Variants in SHROOM4 observed in about 807,000 individuals in gnomAD.
SHROOM4 encodes the protein shroom family member 4.
Under a neutral mutation model 80.3 loss-of-function variants are expected in SHROOM4, and 17 were observed. The ratio of observed to expected loss-of-function variants is 0.21; its 90% CI spans 0.14 to 0.32. SHROOM4 has a LOEUF of 0.32. SHROOM4 is among the 10% of genes least tolerant of loss of function. The probability of loss-of-function intolerance (pLI) is 1.00; values close to 1 mark genes in which losing one functional copy is unlikely to be tolerated. For missense variants in SHROOM4, 993 were observed against 1,140.3 expected (o/e 0.87, Z 1.86); for synonymous variants, 400 against 437.5 (o/e 0.91, Z 1.07).
rs200784202 is a variant in SHROOM4 at position 50,795,158 on chromosome X, T to TC, written c.117+18743_117+18744insG. Among the ~76,000 whole-genome samples, 5 of 29,928 alleles carry TC rather than the reference T, an allele frequency of 1.7e-4. 1 individual carries two copies. The highest frequency in any genetic ancestry group is 4.4e-4 in the African/African-American group (5 of 11,289). The allele number at this position is 29,928 out of a possible 115,157, so 26.0% of individuals were successfully genotyped here. A position where few individuals can be genotyped will look rare whatever the true frequency, so the allele number is the denominator to read the frequency against. On this transcript the variant is annotated intron_variant, in intron 1 of 8. Coordinates refer to ENST00000376020, the MANE Select transcript of SHROOM4 (RefSeq NM_020717.5). ...TATATATATATATGATATATATATA[T>TC]ATATATATGATATATATATATATAA...
Position 50,602,746 on chromosome X carries a change from A to G in SHROOM4, c.3829T>C (p.Tyr1277His). ...PGIPTSYSAY[Y>H]NISVAKAELL... Reference sequence around the variant, plus strand: ...TCTGCCTTGGCCACAGAAATATTGTAATAAGCTGAGTAAGAGGTAGGGATT... The same window carrying G: ...TCTGCCTTGGCCACAGAAATATTGTGATAAGCTGAGTAAGAGGTAGGGATT... The change falls in exon 7 of 9, where the codon TAC becomes CAC. Residue 1277 changes from tyrosine to histidine, a missense_variant. Tyr to His is a moderately conservative substitution (Grantham distance 83). Coordinates refer to ENST00000376020, the MANE Select transcript of SHROOM4 (RefSeq NM_020717.5). 8.3e-7 allele frequency: 1 copy of G among 1,211,321 alleles called. No homozygotes were observed. The highest frequency in any genetic ancestry group is 1.8e-5 in the South Asian group (1 of 56,974).
intron 1 of SHROOM4, among the ~76,000 whole-genome samples, chrX:50,738,542 AAC>A (rs1215018083): frequency 9.0e-6 from 1 of 111,249 alleles, no homozygotes; most frequent in Non-Finnish European, 1.9e-5. Context: ...ATAACAGACA[AAC>A]AGAGAGCCAA....
At chrX:50,780,348 T>C (rs1258618754) in intron 1 of SHROOM4, among the ~76,000 whole-genome samples, 1 of 111,258 alleles carries the variant, frequency 9.0e-6, no homozygotes, top group African/African-American at 3.3e-5. Flanking sequence ...AAGATACAAT[T>C]GGAAAATTCA....
intron 6 of SHROOM4, 30 bp downstream of exon 6, chrX:50,607,351 A>G (rs782002534): frequency 8.3e-7 from 1 of 1,206,231 alleles, no homozygotes; most frequent in South Asian, 1.8e-5. Flanking sequence ...CTGCCTCTTC[A>G]GAGACCTAGT....
chrX:50,652,455 T>C (rs1485999531), intron 2 of SHROOM4, among the ~76,000 whole-genome samples: 3 of 112,138 alleles, frequency 2.7e-5, no homozygotes. Flanking sequence ...AAGTTCCTTG[T>C]AGATTCTGGA....
chrX:50,612,465 A>T (rs1930042722), intron 5 of SHROOM4, among the ~76,000 whole-genome samples: 1 of 111,823 alleles, frequency 8.9e-6, no homozygotes, highest in Admixed American at 9.5e-5. Flanking sequence ...AGGAAAAAAA[A>T]TCAAACCAAT....
At chrX:50,812,317 T>TAAAAA (rs34184946) in intron 1 of SHROOM4, among the ~76,000 whole-genome samples, 2 of 66,791 alleles carry the variant, frequency 3.0e-5, no homozygotes, top group Non-Finnish European at 2.7e-5. Context: ...GTGTTTTTGT[T>TAAAAA]AAAAAAAAAA....
At chrX:50,576,779 C>T in the SHROOM4 span, among the ~76,000 whole-genome samples, 2 of 111,613 alleles carry the variant, frequency 1.8e-5, no homozygotes, top group African/African-American at 3.3e-5. Flanking sequence ...GTAGGCATTA[C>T]ATTATACATA....
chrX:50,688,748 C>G (rs1408897398), intron 2 of SHROOM4, among the ~76,000 whole-genome samples: 1 of 110,331 alleles, frequency 9.1e-6, no homozygotes, highest in African/African-American at 3.3e-5. Context: ...TTCATTGTTG[C>G]GTTCTCAGCA....
In SHROOM4 at chrX:50,633,127, C is replaced by T. The variant is rs372378306; in HGVS notation, c.2895+51G>A. ...TTTTTAAATAATTTACGTAGCTTTC[C>T]CCTCTCAAAGACAATAATGAAGGTT... On this transcript the variant is annotated intron_variant, in intron 4 of 8. Transcript: ENST00000376020. 78 of 1,057,511 alleles carry T rather than the reference C, an allele frequency of 7.4e-5. No individual in the cohort carries two copies. The African/African-American group carries it at 1.3e-3, about 17-fold the overall frequency. The allele number at this position is 1,057,511 out of a possible 1,213,427, so 87.2% of individuals were successfully genotyped here. A position where few individuals can be genotyped will look rare whatever the true frequency, so the allele number is the denominator to read the frequency against.
intron 2 of SHROOM4, among the ~76,000 whole-genome samples, chrX:50,651,758 G>T (rs782393071): frequency 1.9e-5 from 2 of 102,595 alleles, no homozygotes; most frequent in East Asian, 6.1e-4. Flanking sequence ...ACATGCCCCA[G>T]TGTGTGACAT....
chrX:50,617,227 T>A (rs959143579), intron 5 of SHROOM4, among the ~76,000 whole-genome samples: 14 of 112,420 alleles, frequency 1.2e-4, no homozygotes, highest in African/African-American at 3.6e-4. Flanking sequence ...ATACCTATCT[T>A]ACAAATAAGC....
chrX:50,603,113 G>A (rs1344965871), intron 6 of SHROOM4, among the ~76,000 whole-genome samples: 1 of 111,243 alleles, frequency 9.0e-6, no homozygotes, highest in African/African-American at 3.3e-5. Flanking sequence ...AACCTGGCAG[G>A]CCTTCTGATC....
chrX:50,793,864 C>G (rs1935904410), intron 1 of SHROOM4, among the ~76,000 whole-genome samples: 1 of 108,705 alleles, frequency 9.2e-6, no homozygotes, highest in Non-Finnish European at 1.9e-5. Context: ...CTTTTTAATT[C>G]ATTTAAGAAG....
intron 1 of SHROOM4, among the ~76,000 whole-genome samples, chrX:50,750,470 C>T (rs1361913196): frequency 1.8e-5 from 2 of 111,830 alleles, no homozygotes; most frequent in Non-Finnish European, 3.8e-5. Flanking sequence ...CCATGTTGGC[C>T]GGGCTGCTCT....
At chrX:50,680,414 A>C (rs782636088) in intron 2 of SHROOM4, among the ~76,000 whole-genome samples, 59 of 111,909 alleles carry the variant, frequency 5.3e-4, no homozygotes, top group Non-Finnish European at 9.6e-4. Flanking sequence ...TAGAGTTGTA[A>C]GAACAGTACA....
At chrX:50,794,546 T>C (rs2147709128) in intron 1 of SHROOM4, among the ~76,000 whole-genome samples, 1 of 109,464 alleles carries the variant, frequency 9.1e-6, no homozygotes, top group South Asian at 4.0e-4. Flanking sequence ...GAGACTTTCT[T>C]AGCACAGAAG....
At position 50,715,157 on chromosome X, in the gene SHROOM4, C is replaced by T. The variant is rs138814114; in HGVS notation, c.118-19220G>A. 2.5e-3 allele frequency among the ~76,000 whole-genome samples: 273 copies of T among 111,035 alleles called. 1 individual carries two copies. The highest frequency in any genetic ancestry group is 7.9e-3 in the African/African-American group (241 of 30,588). On this transcript the variant is annotated intron_variant, in intron 1 of 8. Transcript: ENST00000376020. Reference sequence around the variant, plus strand: ...TTCATATCCCTCTTATTGCTTGATACGCTCCTGACATTCTGCCTACCCCTT... The same window carrying T: ...TTCATATCCCTCTTATTGCTTGATATGCTCCTGACATTCTGCCTACCCCTT...
At chrX:50,697,839 CAGA>C (rs1557263202) in intron 1 of SHROOM4, among the ~76,000 whole-genome samples, 2 of 111,972 alleles carry the variant, frequency 1.8e-5, no homozygotes. Flanking sequence ...ACTTGAATTT[CAGA>C]AGTTCTATTT....
Sources: allele counts gnomAD v4.1 joint callset (sites outside exome capture counted in the v4.1 genomes callset), GRCh38; gene constraint gnomAD v4.1.1; transcripts MANE v1.5; gene names NCBI Gene and HGNC (gene_info 2026-07-23, HGNC 2026-07-21).